PDXDC1: variants seen among roughly 807,000 people sequenced by gnomAD.
PDXDC1 encodes the protein pyridoxal dependent decarboxylase domain containing 1, also known as pyridoxal-dependent decarboxylase domain-containing protein 1.
In PDXDC1, 42 loss-of-function variants were observed where a neutral mutation model predicts 100.1. That is an observed-to-expected ratio of 0.42 (90% CI 0.33 to 0.54). The LOEUF (loss-of-function observed/expected upper bound fraction) is 0.54, where lower values mean the gene tolerates loss of function less well. Among genes scored for constraint, PDXDC1 ranks in the 20% least tolerant of loss-of-function variants. The pLI, the probability that PDXDC1 is intolerant of heterozygous loss-of-function variation, is 0.10. For synonymous variants in PDXDC1, 260 were observed against 371.7 expected, an observed-to-expected ratio of 0.70 and a Z score of 3.46; for missense variants, 636 against 979.2, an observed-to-expected ratio of 0.65 and a Z score of 4.68.
At chr16:15,146,311 C>T in the PDXDC1 span, among the ~76,000 whole-genome samples, 4 of 152,170 alleles carry the variant, frequency 2.6e-5, no homozygotes, top group Admixed American at 6.5e-5. Context: ...TTGGTGCCCA[C>T]CAGCGACAGC....
chr16:15,104,449 T>C, intron 16 of PDXDC1: 3 of 1,248,972 alleles, frequency 2.4e-6, no homozygotes, highest in South Asian at 1.5e-5. Flanking sequence ...GAGCTGAGGG[T>C]GGAAGGGGAG....
rs563233644 is a variant in PDXDC1, at chr16:15,027,987, C to T, written c.1205-891C>T. On this transcript the variant is annotated intron_variant, in intron 14 of 22. Coordinates refer to ENST00000396410, the MANE Select transcript of PDXDC1 (RefSeq NM_015027.4). ...CCCGCTTCTGTGTCATTTAAAGGGA[C>T]CACGCTCTTCCCTTCCCAGCACTCC... 2.8e-4 allele frequency among the ~76,000 whole-genome samples: 42 copies of T among 152,394 alleles called. No homozygotes were observed. In the East Asian group the frequency reaches 8.1e-3, roughly 29 times the overall value.
chr16:15,090,956 A>AT (rs1390018897), intron 16 of PDXDC1, among the ~76,000 whole-genome samples: 1 of 151,572 alleles, frequency 6.6e-6, no homozygotes. Flanking sequence ...TAGTAATCTA[A>AT]TAGAAAGGAA....
At chr16:15,144,386 T>A in the PDXDC1 span, among the ~76,000 whole-genome samples, 2 of 152,066 alleles carry the variant, frequency 1.3e-5, no homozygotes, top group African/African-American at 4.8e-5. Flanking sequence ...GGTGCTCATT[T>A]GAAAAAAAAC....
At chr16:15,041,455 G>T (rs549178501), downstream of PDXDC1, among the ~76,000 whole-genome samples, 1 of 152,250 alleles carries the variant, frequency 6.6e-6, no homozygotes, top group South Asian at 2.1e-4. Flanking sequence ...GCAGATGGTG[G>T]ACGAGGGCAA....
At chr16:15,124,798 A>G (rs1411966415) in intron 16 of PDXDC1, among the ~76,000 whole-genome samples, 2 of 151,522 alleles carry the variant, frequency 1.3e-5, no homozygotes, top group Non-Finnish European at 2.9e-5. Context: ...ACAAACAAAA[A>G]ACAGGGTTAA....
intron 1 of PDXDC1, chr16:14,988,952 G>A (rs540321635): frequency 1.9e-5 from 31 of 1,613,876 alleles, no homozygotes; most frequent in African/African-American, 5.3e-5. Context: ...GCATGGTGGC[G>A]TGCCCGCTGA....
chr16:15,032,962 A>G lies in PDXDC1; in HGVS notation c.1673A>G (p.Asp558Gly). Residue 558 changes from aspartate to glycine, a missense_variant, in exon 18 of 23, where the codon GAC becomes GGC. Transcript: ENST00000396410. ...AAGAAGTTAAATGAACTGGAATCTG[A>G]CCTAACCTTTAAAATAGGTAACTGC... is the stretch of plus-strand genomic sequence containing the variant. ...LLKKLNELES[D>G]LTFKIGPEYK... The G allele has an allele frequency of 6.3e-7, 1 of 1,591,578 alleles. No homozygotes were observed. The highest frequency in any genetic ancestry group is 8.6e-7 in the Non-Finnish European group (1 of 1,159,258).
intron 1 of PDXDC1, among the ~76,000 whole-genome samples, chr16:14,979,872 C>T (rs1967561489): frequency 6.6e-6 from 1 of 152,254 alleles, no homozygotes; most frequent in Non-Finnish European, 1.5e-5. Flanking sequence ...AGAAAAGAAC[C>T]CCTGTTAGGC....
chr16:15,029,316 C>T (rs13336591), intron 15 of PDXDC1: 67,563 of 533,250 alleles, frequency 0.13, 260 homozygotes, highest in African/African-American at 0.28. Flanking sequence ...CTGCAGCTGG[C>T]AGTGTGGAGC....
chr16:14,977,440 C>T (rs1277454883), intron 1 of PDXDC1, among the ~76,000 whole-genome samples: 4 of 152,276 alleles, frequency 2.6e-5, no homozygotes, highest in African/African-American at 4.8e-5. Flanking sequence ...ACACCACACC[C>T]GACTAATTTT....
At chr16:15,143,851 G>C (rs970463754), downstream of PDXDC1, among the ~76,000 whole-genome samples, 21 of 152,216 alleles carry the variant, frequency 1.4e-4, no homozygotes, top group African/African-American at 5.1e-4. Flanking sequence ...GCTGAGTGGG[G>C]TCTGGGGGCC....
At chr16:15,045,538 G>A (rs570997551) in intron 16 of PDXDC1, 3 of 152,076 alleles carry the variant, frequency 2.0e-5, no homozygotes, top group Non-Finnish European at 4.4e-5. Flanking sequence ...GCGGGAGGCA[G>A]AGGTGGAAGG....
chr16:15,031,983 C>G (rs373630495), intron 17 of PDXDC1, 77 bp downstream of exon 17: 1 of 1,226,678 alleles, frequency 8.2e-7, no homozygotes, highest in African/African-American at 1.5e-5. Context: ...TCTGAACCAC[C>G]TTAGAAATCC....
chr16:15,131,667 T>C lies in PDXDC1; in HGVS notation c.1400-7212T>C, dbSNP rs1460123236. ...ACTCGGCTCCCAGCTCTGAGCGCTG[T>C]GGTGCCCGCACGTCTGAGCTGGCCA... On this transcript the variant is annotated intron_variant, in intron 16 of 16. Coordinates refer to the PDXDC1 transcript ENST00000535621. The C allele has an allele frequency of 7.5e-4, 1,181 of 1,565,874 alleles. 17 individuals are homozygous for C. The South Asian group carries it at 8.3e-3, about 11-fold the overall frequency.
chr16:15,086,033 A>T, intron 16 of PDXDC1: 1 of 1,044,612 alleles, frequency 9.6e-7, no homozygotes, highest in Non-Finnish European at 1.4e-6. Flanking sequence ...ATGCATCTGG[A>T]ATCTTCCATG....
chr16:15,074,675 G>C (rs537927125), intron 16 of PDXDC1: 1 of 1,482,486 alleles, frequency 6.7e-7, no homozygotes, highest in South Asian at 1.2e-5. Context: ...CCAGCACAAA[G>C]CCAGGTACAC....
rs759291677 is a variant in PDXDC1 at position 15,035,470 on chromosome 16, C to T, written c.2024C>T (p.Pro675Leu). ...GCAGGCTCTCTGGAGTCCACAGAAC[C>T]CATATATGTCTACAAAGCACAAGGT... Reference protein sequence around the residue: ...LTAGSLESTEPIYVYKAQGAG... With the variant: ...LTAGSLESTELIYVYKAQGAG... The change falls in exon 22 of 23, where the codon CCC (proline) becomes CTC (leucine). Residue 675 changes from proline to leucine, a missense_variant. By Grantham distance (98) the Pro-to-Leu change is moderately conservative. Transcript: ENST00000396410. 4 of 1,610,710 alleles carry T rather than the reference C, an allele frequency of 2.5e-6. No homozygotes were observed. The highest frequency in any genetic ancestry group is 3.4e-6 in the Non-Finnish European group (4 of 1,178,640).
intron 13 of PDXDC1, among the ~76,000 whole-genome samples, chr16:15,024,851 T>G (rs1287445050): frequency 1.3e-5 from 2 of 152,312 alleles, no homozygotes; most frequent in Admixed American, 6.5e-5. Context: ...CTGGGTCGTC[T>G]TCATCACTCT....
Sources: allele counts gnomAD v4.1 joint callset (sites outside exome capture counted in the v4.1 genomes callset), GRCh38; gene constraint gnomAD v4.1.1; transcripts MANE v1.5; gene names NCBI Gene and HGNC (gene_info 2026-07-23, HGNC 2026-07-21).